Variants in BEND7 observed in about 807,000 individuals in gnomAD.
BEND7 encodes BEN domain-containing protein 7.
A neutral mutation model predicts 50.9 loss-of-function variants in BEND7; 28 were observed. The ratio of observed to expected loss-of-function variants is 0.55; its 90% CI spans 0.41 to 0.75. BEND7 has a LOEUF of 0.75. Among genes scored for constraint, BEND7 ranks in the 30% least tolerant of loss-of-function variants. The probability of loss-of-function intolerance (pLI) is 0.00; values close to 1 mark genes in which losing one functional copy is unlikely to be tolerated. For synonymous variants in BEND7, 170 were observed against 183.9 expected, an observed-to-expected ratio of 0.92 and a Z score of 0.61; for missense variants, 477 against 491.3, an observed-to-expected ratio of 0.97 and a Z score of 0.28.
At position 13,499,999 on chromosome 10, in the gene BEND7, C is replaced by T. The variant is rs375850949; in HGVS notation, c.227G>A (p.Arg76Gln). 172 of 1,614,074 alleles carry T rather than the reference C, an allele frequency of 1.1e-4. No individual in the cohort carries two copies. Among genetic ancestry groups the T allele is most frequent in the Non-Finnish European group, 1.3e-4 (151 of 1,180,032 alleles). Residue 76 changes from arginine (R) to glutamine (Q), a missense_variant, in exon 3 of 9, where the codon CGA (arginine) becomes CAA (glutamine). This residue lies in a region of BEND7 where 396 missense variants were observed against 384.2 expected (regional missense o/e 1.03). Transcript: ENST00000466271. ...LNDSTGRIYQRVGKEGEKLKE... is the reference protein window; with the variant it reads ...LNDSTGRIYQQVGKEGEKLKE... The stretch of plus-strand genomic sequence containing the variant: ...TAGTTTCTCTCCTTCTTTGCCAACT[C>T]GCTGATAGATCCGCCCAGTGCTGTC...
intron 2 of BEND7, among the ~76,000 whole-genome samples, chr10:13,510,149 C>T (rs1450228286): frequency 6.6e-6 from 1 of 151,898 alleles, no homozygotes; most frequent in East Asian, 1.9e-4. Flanking sequence ...ATGATGAATA[C>T]TAATGATGGA....
intron 4 of BEND7, 95 bp from the exon 5 acceptor site, chr10:13,492,971 G>A (rs570104968): frequency 1.9e-5 from 27 of 1,396,498 alleles, no homozygotes; most frequent in African/African-American, 4.4e-5. Context: ...AACTGAAACC[G>A]AAACGAGGAA....
intron 5 of BEND7, among the ~76,000 whole-genome samples, chr10:13,488,591 G>A (rs566186317): frequency 1.2e-4 from 19 of 152,272 alleles, no homozygotes; most frequent in African/African-American, 2.9e-4. Flanking sequence ...GGGTTCAAGC[G>A]ATTCTCCTGC....
intron 6 of BEND7, among the ~76,000 whole-genome samples, chr10:13,461,182 C>A (rs867039325): frequency 6.6e-6 from 1 of 152,164 alleles, no homozygotes; most frequent in South Asian, 2.1e-4. Flanking sequence ...GCTCCAGTCA[C>A]AAGGAAGGGC....
At chr10:13,470,014 A>G (rs2074651640) in intron 6 of BEND7, among the ~76,000 whole-genome samples, 3 of 152,218 alleles carry the variant, frequency 2.0e-5, no homozygotes, top group Admixed American at 2.0e-4. Flanking sequence ...TCCAGAAGAA[A>G]AGCTACCAGG....
chr10:13,493,063 C>T (rs960926499), intron 4 of BEND7, among the ~76,000 whole-genome samples, 187 bp from the exon 5 acceptor site: 7 of 152,156 alleles, frequency 4.6e-5, no homozygotes, highest in South Asian at 2.1e-4. Flanking sequence ...ACTTTCAAGT[C>T]CTAAAGGCAG....
intron 6 of BEND7, among the ~76,000 whole-genome samples, chr10:13,467,911 C>T (rs1274134990): frequency 6.6e-6 from 1 of 152,140 alleles, no homozygotes; most frequent in Non-Finnish European, 1.5e-5. Context: ...GTGAGTGGTG[C>T]TGTTTCATGG....
intron 6 of BEND7, among the ~76,000 whole-genome samples, chr10:13,474,458 G>A (rs768196103): frequency 1.3e-5 from 2 of 152,164 alleles, no homozygotes; most frequent in Admixed American, 6.6e-5. Context: ...TGTTAGACTC[G>A]GGTCAATACC....
At chr10:13,521,534 AG>A (rs1212709061) in intron 2 of BEND7, among the ~76,000 whole-genome samples, 1 of 152,226 alleles carries the variant, frequency 6.6e-6, no homozygotes, top group Non-Finnish European at 1.5e-5. Context: ...GAAGGAGCAC[AG>A]GGACACAAGG....
At chr10:13,468,460 C>T (rs74122739) in intron 6 of BEND7, among the ~76,000 whole-genome samples, 3 of 152,058 alleles carry the variant, frequency 2.0e-5, no homozygotes, top group Admixed American at 6.6e-5. Flanking sequence ...AATATGTTCA[C>T]AAGGAGAGAG....
chr10:13,496,706 G>A (rs965295611), intron 4 of BEND7, 60 bp downstream of exon 4: 11 of 1,556,858 alleles, frequency 7.1e-6, no homozygotes, highest in East Asian at 2.3e-5. Flanking sequence ...ACATTCCAAC[G>A]GAAGATGTCA....
intron 5 of BEND7, among the ~76,000 whole-genome samples, chr10:13,492,344 A>G (rs574648432): frequency 6.6e-6 from 1 of 152,340 alleles, no homozygotes; most frequent in East Asian, 1.9e-4. Flanking sequence ...CAAAATTAAA[A>G]ATGCAAAAGA....
chr10:13,517,001 T>C (rs528299675), intron 2 of BEND7, among the ~76,000 whole-genome samples: 2 of 152,164 alleles, frequency 1.3e-5, no homozygotes, highest in South Asian at 2.1e-4. Context: ...TTATATTCTT[T>C]AAGAAGCAAG....
chr10:13,496,873 A>G lies in BEND7; in HGVS notation c.464T>C (p.Val155Ala). The change falls in exon 4 of 9, where the codon GTG becomes GCG. Residue 155 changes from valine to alanine, a missense_variant. Physicochemically the swap from Val to Ala is moderately conservative, Grantham distance 64. Transcript: ENST00000466271. ...GCAGTTTGATCCAGCTGATGAATTC[A>G]CCACTGGAAGTTCTCCTGAGCATGA... ...TTSSNGELPV[V>A]NSSAGSNCCT... 6.2e-7 allele frequency: 1 copy of G among 1,607,862 alleles called. No individual in the cohort carries two copies. The highest frequency in any genetic ancestry group is 1.1e-5 in the South Asian group (1 of 90,756).
chr10:13,465,101 A>C (rs2074096761), intron 6 of BEND7, among the ~76,000 whole-genome samples: 1 of 152,238 alleles, frequency 6.6e-6, no homozygotes, highest in Non-Finnish European at 1.5e-5. Flanking sequence ...CACTGCTGGC[A>C]CATAATAGGC....
chr10:13,522,066 G>A (rs1196680861), intron 2 of BEND7, among the ~76,000 whole-genome samples: 1 of 152,166 alleles, frequency 6.6e-6, no homozygotes, highest in Non-Finnish European at 1.5e-5. Flanking sequence ...CTGAATAACT[G>A]AACTGAATAT....
chr10:13,482,219 A>T (rs74122764), intron 5 of BEND7, among the ~76,000 whole-genome samples: 1 of 152,244 alleles, frequency 6.6e-6, no homozygotes, highest in Admixed American at 6.5e-5. Context: ...GGAATAGACG[A>T]AAGTTCATTA....
chr10:13,438,789 A>G (rs4750356), downstream of BEND7: 57,243 of 186,624 alleles, frequency 0.31, 10,830 homozygotes, highest in East Asian at 0.67. Context: ...ACAATGGGAT[A>G]CAGCGGAAAG....
At chr10:13,521,798 T>A (rs2079094805) in intron 2 of BEND7, among the ~76,000 whole-genome samples, 1 of 152,206 alleles carries the variant, frequency 6.6e-6, no homozygotes, top group South Asian at 2.1e-4. Flanking sequence ...TGACTCCAGG[T>A]GAAGACCTCC....
Sources: allele counts gnomAD v4.1 joint callset (sites outside exome capture counted in the v4.1 genomes callset), GRCh38; gene constraint gnomAD v4.1.1; regional missense constraint gnomAD v4.1.1; transcripts MANE v1.5; gene names NCBI Gene and HGNC (gene_info 2026-07-23, HGNC 2026-07-21).